Variants in DYNC2I1 observed in about 807,000 individuals in gnomAD.
The protein encoded by DYNC2I1 is dynein 2 intermediate chain 1.
A neutral mutation model predicts 133.4 loss-of-function variants in DYNC2I1; 89 were observed. The observed-to-expected ratio is 0.67, with a 90% CI of 0.56 to 0.80. DYNC2I1 has a LOEUF of 0.80. Among genes scored for constraint, DYNC2I1 ranks in the 30% least tolerant of loss-of-function variants. DYNC2I1 has a pLI of 0.00. For missense variants in DYNC2I1, 1,291 were observed against 1,314.5 expected (o/e 0.98, Z 0.28); for synonymous variants, 504 against 484.3 (o/e 1.04, Z -0.54).
intron 24 of DYNC2I1, among the ~76,000 whole-genome samples, chr7:158,943,901 G>C (rs78238019): frequency 0.012 from 1,777 of 152,268 alleles, 21 homozygotes; most frequent in Middle Eastern, 0.037. Context: ...TCAGGAAGGA[G>C]GCGGCAGCCC....
At chr7:158,893,542 C>A (rs1206731232) in intron 8 of DYNC2I1, among the ~76,000 whole-genome samples, 3 of 152,178 alleles carry the variant, frequency 2.0e-5, no homozygotes, top group African/African-American at 7.2e-5. Flanking sequence ...TTATTGACTG[C>A]AGCACACTGT....
At chr7:158,893,645 T>C (rs866529897) in intron 8 of DYNC2I1, among the ~76,000 whole-genome samples, 15 of 152,130 alleles carry the variant, frequency 9.9e-5, no homozygotes, top group East Asian at 1.9e-4. Flanking sequence ...GTACCACATA[T>C]CGTACTGCAT....
At chr7:158,877,150 G>A (rs960573368) in intron 4 of DYNC2I1, among the ~76,000 whole-genome samples, 2 of 152,206 alleles carry the variant, frequency 1.3e-5, no homozygotes, top group African/African-American at 4.8e-5. Flanking sequence ...TCGCGGTGCG[G>A]GTGTGTTGGT....
chr7:158,841,985 C>T, the DYNC2I1 span, among the ~76,000 whole-genome samples: 5 of 152,240 alleles, frequency 3.3e-5, no homozygotes, highest in Admixed American at 2.0e-4. Context: ...GGGGCATCCA[C>T]GTCGTGTGTG....
At position 158,856,696 on chromosome 7, in the gene DYNC2I1, G is replaced by A; in HGVS notation, c.-40G>A. 8.1e-7 allele frequency: 1 copy of A among 1,232,676 alleles called. No individual in the cohort carries two copies. Among genetic ancestry groups the A allele is most frequent in the Non-Finnish European group, 1.0e-6 (1 of 987,002 alleles). 76.4% of individuals were successfully genotyped at this position (1,232,676 alleles called of 1,614,324 possible). ...CTTCGGGGTGGACCGCGCCTGGCCG[G>A]GGCCGAGGACACCGCGGCCGCCCGG... On this transcript the variant is annotated 5_prime_UTR_variant, in exon 1 of 25. Coordinates refer to ENST00000407559, the MANE Select transcript of DYNC2I1 (RefSeq NM_018051.5).
intron 1 of DYNC2I1, among the ~76,000 whole-genome samples, chr7:158,864,241 C>T (rs1463748349): frequency 6.6e-6 from 1 of 152,196 alleles, no homozygotes; most frequent in African/African-American, 2.4e-5. Context: ...AGATTAGTTT[C>T]TTTTCTTTCT....
intron 8 of DYNC2I1, among the ~76,000 whole-genome samples, chr7:158,894,005 G>T (rs1199405918): frequency 6.6e-6 from 1 of 150,834 alleles, no homozygotes; most frequent in Non-Finnish European, 1.5e-5. Flanking sequence ...ATATCATACC[G>T]TATATCATAG....
chr7:158,872,637 A>G (rs1406314232), intron 3 of DYNC2I1, among the ~76,000 whole-genome samples: 2 of 151,560 alleles, frequency 1.3e-5, no homozygotes, highest in African/African-American at 4.8e-5. Flanking sequence ...TAAAAGAAAA[A>G]AAAAACCATT....
chr7:158,861,440 C>T (rs1841860219), intron 1 of DYNC2I1, among the ~76,000 whole-genome samples: 2 of 152,174 alleles, frequency 1.3e-5, no homozygotes, highest in Admixed American at 6.5e-5. Context: ...AAATGGAGCT[C>T]AGCTGTTTCC....
At chr7:158,876,511 A>C in intron 3 of DYNC2I1, 98 bp from the exon 4 acceptor site, 2 of 1,393,288 alleles carry the variant, frequency 1.4e-6, no homozygotes, top group Middle Eastern at 2.5e-4. Context: ...CATATTAACG[A>C]ATATAAAATG....
intron 1 of DYNC2I1, among the ~76,000 whole-genome samples, chr7:158,860,937 TGTG>T (rs1233269449): frequency 6.6e-6 from 1 of 152,214 alleles, no homozygotes; most frequent in Non-Finnish European, 1.5e-5. Flanking sequence ...CCAATCCGCT[TGTG>T]GGGTTCCTCC....
chr7:158,930,978 G>A (rs1211363615), intron 21 of DYNC2I1, among the ~76,000 whole-genome samples: 1 of 152,142 alleles, frequency 6.6e-6, no homozygotes, highest in African/African-American at 2.4e-5. Context: ...TTGTTAGTCT[G>A]TTATTAATGA....
chr7:158,912,309 G>A (rs144770519), intron 12 of DYNC2I1, among the ~76,000 whole-genome samples: 97 of 152,280 alleles, frequency 6.4e-4, no homozygotes, highest in African/African-American at 2.3e-3. Context: ...GAAGTCAGAC[G>A]TCTTATCTAA....
intron 5 of DYNC2I1, among the ~76,000 whole-genome samples, chr7:158,880,273 A>G (rs1028713061): frequency 6.6e-5 from 10 of 152,244 alleles, no homozygotes; most frequent in African/African-American, 1.2e-4. Flanking sequence ...GCGGTGGCTC[A>G]TGCCTGTCAT....
At chr7:158,923,507 C>G in intron 16 of DYNC2I1, 64 bp from the exon 17 acceptor site, 1 of 1,610,958 alleles carries the variant, frequency 6.2e-7, no homozygotes, top group Non-Finnish European at 8.5e-7. Context: ...TCAGTAAATG[C>G]AGCTTGTGTT....
upstream of DYNC2I1, among the ~76,000 whole-genome samples, chr7:158,855,675 C>T (rs887784576): frequency 6.6e-6 from 1 of 152,178 alleles, no homozygotes; most frequent in Non-Finnish European, 1.5e-5. Context: ...AGGTCAGAAG[C>T]AAGATGCTGT....
At chr7:158,911,014 G>A (rs1847406349) in intron 11 of DYNC2I1, among the ~76,000 whole-genome samples, 1 of 151,950 alleles carries the variant, frequency 6.6e-6, no homozygotes, top group Admixed American at 6.5e-5. Context: ...AGGCCCGTGG[G>A]CCGAGGGCGA....
upstream of DYNC2I1, among the ~76,000 whole-genome samples, chr7:158,854,208 C>A (rs1181204742): frequency 6.6e-6 from 1 of 152,118 alleles, no homozygotes; most frequent in Non-Finnish European, 1.5e-5. Flanking sequence ...ATGTCTCAAG[C>A]ACCAATCTTA....
Position 158,879,730 on chromosome 7 carries a change from A to T in DYNC2I1, c.620A>T (p.Tyr207Phe). The change falls in exon 5 of 25, where the codon TAT becomes TTT. Residue 207 changes from tyrosine (Y) to phenylalanine (F), a missense_variant. Coordinates refer to ENST00000407559, the MANE Select transcript of DYNC2I1 (RefSeq NM_018051.5). ...GACAACCCTCTCAAGTACTGGCTTT[A>T]TAAAGAAGAAGGCGAGAGGAGACAC... is the stretch of plus-strand genomic sequence containing the variant. ...SKDNPLKYWL[Y>F]KEEGERRHRK... 2 of 1,599,476 alleles carry T rather than the reference A, an allele frequency of 1.3e-6. No homozygotes were observed. Among genetic ancestry groups the T allele is most frequent in the Non-Finnish European group, 8.5e-7 (1 of 1,176,364 alleles).
Sources: allele counts gnomAD v4.1 joint callset (sites outside exome capture counted in the v4.1 genomes callset), GRCh38; gene constraint gnomAD v4.1.1; transcripts MANE v1.5; gene names NCBI Gene and HGNC (gene_info 2026-07-23, HGNC 2026-07-21).